The following NECTIN3 variants were observed in gnomAD, a reference collection of about 807,000 sequenced individuals.
NECTIN3 encodes the protein nectin cell adhesion molecule 3.
A neutral mutation model predicts 49.4 loss-of-function variants in NECTIN3; 8 were observed. The observed-to-expected ratio is 0.16, with a 90% CI of 0.10 to 0.29. NECTIN3 has a LOEUF of 0.29. NECTIN3 is among the 10% of genes least tolerant of loss of function. NECTIN3 has a pLI of 1.00. For missense variants in NECTIN3, 581 were observed against 654.6 expected, an observed-to-expected ratio of 0.89 and a Z score of 1.23; for synonymous variants, 277 against 241.1, an observed-to-expected ratio of 1.15 and a Z score of -1.38.
intron 7 of NECTIN3, among the ~76,000 whole-genome samples, chr3:111,163,484 C>T (rs1202509383): frequency 2.0e-5 from 3 of 152,148 alleles, no homozygotes; most frequent in Non-Finnish European, 4.4e-5. Flanking sequence ...AATCTTTGCT[C>T]TCTGTGTGTT....
rs150015192 is a variant in NECTIN3, at chr3:111,119,571, C to T, written c.799+619C>T. On this transcript the variant is annotated intron_variant, in intron 3 of 5. Transcript: ENST00000485303. ...GGTCTCCATCTCCTGACCTTGTGAT[C>T]CTCCCGCCTTGGTCTCCCAAAGTGC... is the stretch of plus-strand genomic sequence containing the variant. Among the ~76,000 whole-genome samples the T allele has an allele frequency of 2.3e-3, 351 of 152,318 alleles. 3 individuals carry two copies. The highest frequency in any genetic ancestry group is 7.9e-3 in the African/African-American group (328 of 41,574).
intron 7 of NECTIN3, among the ~76,000 whole-genome samples, chr3:111,185,201 C>A (rs1282849854): frequency 6.6e-6 from 1 of 152,262 alleles, no homozygotes; most frequent in Non-Finnish European, 1.5e-5. Flanking sequence ...CCTCAACTTT[C>A]CTAAATGCCG....
intron 1 of NECTIN3, among the ~76,000 whole-genome samples, chr3:111,084,639 A>G (rs2031823367): frequency 2.0e-5 from 3 of 152,302 alleles, no homozygotes; most frequent in African/African-American, 7.2e-5. Flanking sequence ...AGAAATAAAG[A>G]TATTATTGAG....
In NECTIN3 at chr3:111,126,168, G is replaced by A. The variant is rs954133320; in HGVS notation, c.918-16G>A. The A allele has an allele frequency of 2.0e-6, 3 of 1,513,018 alleles. No individual in the cohort carries two copies. The highest frequency in any genetic ancestry group is 1.8e-6 in the Non-Finnish European group (2 of 1,132,096). 93.7% of individuals were successfully genotyped at this position (1,513,018 alleles called of 1,614,324 possible). On this transcript the variant is annotated splice_polypyrimidine_tract_variant and intron_variant, in intron 4 of 5. Coordinates refer to ENST00000485303, the MANE Select transcript of NECTIN3 (RefSeq NM_015480.3). ...CTGAAGATATTTAAAATAATTTTAT[G>A]CATTTTAAAATCTAGGTTGGATGGA...
intron 7 of NECTIN3, among the ~76,000 whole-genome samples, chr3:111,152,550 T>G (rs888516902): frequency 6.6e-6 from 1 of 151,948 alleles, no homozygotes; most frequent in Non-Finnish European, 1.5e-5. Flanking sequence ...GTCTTTTTAT[T>G]TATTGGACAA....
intron 7 of NECTIN3, among the ~76,000 whole-genome samples, chr3:111,180,421 A>G (rs1471508308): frequency 6.6e-6 from 1 of 152,236 alleles, no homozygotes. Flanking sequence ...ACAATTATGT[A>G]TCTCATTAAA....
intron 1 of NECTIN3, among the ~76,000 whole-genome samples, chr3:111,096,018 C>T (rs1014437790): frequency 1.3e-5 from 2 of 152,156 alleles, no homozygotes; most frequent in Non-Finnish European, 2.9e-5. Context: ...GGGTAACAGG[C>T]AGAGGTTGGA....
At chr3:111,096,694 G>A (rs908816159) in intron 1 of NECTIN3, among the ~76,000 whole-genome samples, 1 of 152,166 alleles carries the variant, frequency 6.6e-6, no homozygotes, top group African/African-American at 2.4e-5. Context: ...AGTGGCCAAG[G>A]TACAGCTCGG....
chr3:111,177,623 C>A (rs752880571), intron 7 of NECTIN3, among the ~76,000 whole-genome samples: 2 of 152,018 alleles, frequency 1.3e-5, no homozygotes, highest in Non-Finnish European at 2.9e-5. Flanking sequence ...TGAGGGTGTT[C>A]GGGTGTGTTG....
rs750909227 is a variant in NECTIN3 at position 111,122,151 on chromosome 3, A to G, written c.830A>G (p.Asp277Gly). Residue 277 changes from aspartate (D) to glycine (G), a missense_variant, in exon 4 of 6, where the codon GAT (aspartate) becomes GGT (glycine). Coordinates refer to ENST00000485303, the MANE Select transcript of NECTIN3 (RefSeq NM_015480.3). ...YAPEVSVTGYDGNWFVGRKGV... is the reference protein window; with the variant it reads ...YAPEVSVTGYGGNWFVGRKGV... ...CCTGAAGTTTCGGTAACAGGATATG[A>G]TGGAAATTGGTTTGTAGGAAGAAAA... 6 of 1,613,156 alleles carry G rather than the reference A, an allele frequency of 3.7e-6. No individual in the cohort carries two copies. Among genetic ancestry groups the G allele is most frequent in the Non-Finnish European group, 5.1e-6 (6 of 1,179,286 alleles).
rs141976518 is a variant in NECTIN3 at position 111,117,649 on chromosome 3, A to G, written c.503-1007A>G. 2.2e-3 allele frequency among the ~76,000 whole-genome samples: 336 copies of G among 152,186 alleles called. 2 individuals are homozygous for G. The highest frequency in any genetic ancestry group is 6.8e-3 in the Middle Eastern group (2 of 294). ...TATGAAACAAAAATTGGTTCTTTCA[A>G]TACCATCAAGAACAGATGGTATTAA... On this transcript the variant is annotated intron_variant, in intron 2 of 5. Transcript: ENST00000485303.
upstream of NECTIN3, among the ~76,000 whole-genome samples, chr3:111,187,505 T>G (rs768143213): frequency 6.6e-6 from 1 of 152,310 alleles, no homozygotes; most frequent in Admixed American, 6.5e-5. Context: ...CATACAAAAC[T>G]TGCACATGAA....
chr3:111,164,379 C>T (rs1317861133), intron 7 of NECTIN3, among the ~76,000 whole-genome samples: 2 of 152,184 alleles, frequency 1.3e-5, no homozygotes, highest in Non-Finnish European at 2.9e-5. Flanking sequence ...TCATGTCCTG[C>T]CCTGGTTTTG....
At position 111,156,703 on chromosome 3, in the gene NECTIN3, A is replaced by G. The variant is rs142261759; in HGVS notation, c.1221+9219A>G. On this transcript the variant is annotated intron_variant, in intron 7 of 8. Transcript: ENST00000493615. Reference sequence around the variant, plus strand: ...TTGGCAACCTGTCAGATAACTTTCCACAGTTACCAAGCTACCATAGTTCAA... The same window carrying G: ...TTGGCAACCTGTCAGATAACTTTCCGCAGTTACCAAGCTACCATAGTTCAA... Among the ~76,000 whole-genome samples the G allele has an allele frequency of 2.2e-3, 332 of 152,266 alleles. 1 individual carries two copies. Among genetic ancestry groups the G allele is most frequent in the Admixed American group, 4.3e-3 (65 of 15,290 alleles).
Position 111,145,883 on chromosome 3 carries a change from A to G in NECTIN3, c.1139+846A>G, listed in dbSNP as rs7619344. 2.2e-3 allele frequency among the ~76,000 whole-genome samples: 334 copies of G among 152,246 alleles called. 2 individuals carry two copies. Among genetic ancestry groups the G allele is most frequent in the African/African-American group, 7.6e-3 (316 of 41,546 alleles). On this transcript the variant is annotated intron_variant, in intron 6 of 8. Transcript: ENST00000493615. ...GTCTTTGCTTCTCTAATTTGGCACA[A>G]TTATAGCACTAGTCTTTGCATCAAA...
intron 1 of NECTIN3, 126 bp from the exon 2 acceptor site, chr3:111,111,898 CATGTGT>C (rs763882729): frequency 1.3e-4 from 56 of 418,964 alleles, no homozygotes; most frequent in South Asian, 5.7e-4. Context: ...TGTGTGTGTG[CATGTGT>C]GTGTGTGTGT....
At chr3:111,128,069 G>A (rs966252705) in intron 5 of NECTIN3, among the ~76,000 whole-genome samples, 3 of 152,104 alleles carry the variant, frequency 2.0e-5, no homozygotes, top group Admixed American at 6.5e-5. Flanking sequence ...TGGGCGTGGT[G>A]GCTCACACCT....
At chr3:111,111,187 G>A (rs928871303) in intron 1 of NECTIN3, among the ~76,000 whole-genome samples, 1 of 152,054 alleles carries the variant, frequency 6.6e-6, no homozygotes, top group South Asian at 2.1e-4. Context: ...GAGCAGCATC[G>A]TGCTTGACTA....
In NECTIN3 at chr3:111,147,294, A is replaced by G. The variant is rs969570121; in HGVS notation, c.1140-109A>G. 4 of 793,516 alleles carry G rather than the reference A, an allele frequency of 5.0e-6. No homozygotes were observed. The African/African-American group carries it at 7.0e-5, about 14-fold the overall frequency. The allele number at this position is 793,516 out of a possible 1,614,324, so 49.2% of individuals were successfully genotyped here. A position where few individuals can be genotyped will look rare whatever the true frequency, so the allele number is the denominator to read the frequency against. ...AGGTAGGCTAGAGTAAATATTATCT[A>G]TATAATATGAGGAAAATATTCTCAA... On this transcript the variant is annotated intron_variant, in intron 6 of 8. Transcript: ENST00000493615.
Sources: gnomAD v4.1 joint callset for allele counts (sites outside exome capture counted in the v4.1 genomes callset) on GRCh38, gnomAD v4.1.1 for gene constraint, MANE v1.5 for transcripts, NCBI Gene and HGNC (gene_info 2026-07-23, HGNC 2026-07-21) for gene names.